Variants in ATP8A2 observed in about 807,000 individuals in gnomAD.
ATP8A2 encodes phospholipid-transporting ATPase IB.
In ATP8A2, 100 loss-of-function variants were observed where a neutral mutation model predicts 165.6. That is an observed-to-expected ratio of 0.60 (90% CI 0.51 to 0.71). The LOEUF is 0.71. Ranked by LOEUF, ATP8A2 falls within the 30% of genes least tolerant of loss-of-function variation. The probability of loss-of-function intolerance (pLI) is 0.00; values close to 1 mark genes in which losing one functional copy is unlikely to be tolerated. For missense variants in ATP8A2, 1,227 were observed against 1,479.5 expected, an observed-to-expected ratio of 0.83 and a Z score of 2.80; for synonymous variants, 543 against 548.8, an observed-to-expected ratio of 0.99 and a Z score of 0.15.
chr13:25,594,548 G>A (rs1565962650), intron 24 of ATP8A2, among the ~76,000 whole-genome samples: 1 of 152,094 alleles, frequency 6.6e-6, no homozygotes, highest in Admixed American at 6.6e-5. Flanking sequence ...CACTGAACCC[G>A]ATTTGTAGCC....
intron 24 of ATP8A2, among the ~76,000 whole-genome samples, chr13:25,629,082 C>T (rs1267429265): frequency 6.6e-6 from 1 of 152,142 alleles, no homozygotes; most frequent in Non-Finnish European, 1.5e-5. Context: ...TGTTTATTCT[C>T]TGACTTGCCT....
intron 30 of ATP8A2, among the ~76,000 whole-genome samples, chr13:25,842,776 A>C (rs1032905686): frequency 1.3e-5 from 2 of 152,060 alleles, no homozygotes; most frequent in Admixed American, 1.3e-4. Flanking sequence ...GGAAAGAAGG[A>C]GGGAAAAAGA....
At chr13:25,543,433 T>C (rs774609725) in intron 10 of ATP8A2, 31 bp downstream of exon 10, 1 of 1,423,668 alleles carries the variant, frequency 7.0e-7, no homozygotes, top group Non-Finnish European at 9.9e-7. Context: ...TTTCAGTCTT[T>C]TTTTTCTTTC....
At chr13:25,587,133 T>G (rs989759427) in intron 23 of ATP8A2, among the ~76,000 whole-genome samples, 1 of 152,210 alleles carries the variant, frequency 6.6e-6, no homozygotes, top group Non-Finnish European at 1.5e-5. Flanking sequence ...TACCTGGCTC[T>G]TCTCCAAGAG....
chr13:25,662,847 G>C (rs1593158991), intron 24 of ATP8A2, among the ~76,000 whole-genome samples: 1 of 152,200 alleles, frequency 6.6e-6, no homozygotes, highest in East Asian at 1.9e-4. Context: ...CATCCTTTTA[G>C]AATATCAATG....
At chr13:25,983,518 G>T (rs564807236) in intron 35 of ATP8A2, among the ~76,000 whole-genome samples, 3 of 152,156 alleles carry the variant, frequency 2.0e-5, no homozygotes, top group South Asian at 4.1e-4. Context: ...CTGTGAGTAG[G>T]CATATCCTGT....
At chr13:25,513,171 G>C (rs2037325660) in intron 2 of ATP8A2, among the ~76,000 whole-genome samples, 1 of 151,872 alleles carries the variant, frequency 6.6e-6, no homozygotes, top group African/African-American at 2.4e-5. Flanking sequence ...TGGGGCGGCT[G>C]CCGGGCGGAG....
At chr13:25,479,249 A>G (rs1217656137) in intron 2 of ATP8A2, among the ~76,000 whole-genome samples, 1 of 152,246 alleles carries the variant, frequency 6.6e-6, no homozygotes, top group African/African-American at 2.4e-5. Flanking sequence ...CATATTTACC[A>G]AGATTCTCCG....
chr13:25,901,183 C>A (rs1953734906), intron 33 of ATP8A2, among the ~76,000 whole-genome samples: 1 of 152,128 alleles, frequency 6.6e-6, no homozygotes, highest in Admixed American at 6.5e-5. Context: ...AGGAAATGTT[C>A]TGGAAGCTTC....
At chr13:25,859,071 C>T (rs1383086117) in intron 30 of ATP8A2, among the ~76,000 whole-genome samples, 2 of 152,106 alleles carry the variant, frequency 1.3e-5, no homozygotes, top group African/African-American at 2.4e-5. Flanking sequence ...GGCATGGTGG[C>T]GGGCACCTGT....
intron 33 of ATP8A2, among the ~76,000 whole-genome samples, chr13:25,929,101 A>G (rs1455439322): frequency 6.6e-6 from 1 of 152,180 alleles, no homozygotes; most frequent in Non-Finnish European, 1.5e-5. Flanking sequence ...ACAAGCCGCT[A>G]ACAACCTCTT....
At chr13:25,897,932 T>G (rs1209092365) in intron 33 of ATP8A2, among the ~76,000 whole-genome samples, 1 of 152,188 alleles carries the variant, frequency 6.6e-6, no homozygotes, top group Non-Finnish European at 1.5e-5. Context: ...AGTTATCCAT[T>G]CGTCTAATTT....
intron 1 of ATP8A2, among the ~76,000 whole-genome samples, chr13:25,409,135 C>T (rs559670662): frequency 4.9e-4 from 75 of 152,184 alleles, no homozygotes; most frequent in African/African-American, 1.7e-3. Flanking sequence ...ACACTATTGG[C>T]GAGACCAGCA....
intron 1 of ATP8A2, among the ~76,000 whole-genome samples, chr13:25,402,014 C>T (rs2033652942): frequency 6.6e-6 from 1 of 151,978 alleles, no homozygotes; most frequent in South Asian, 2.1e-4. Flanking sequence ...GCCACTGCAC[C>T]CAGCCTGGGG....
chr13:25,376,690 G>A lies in ATP8A2; in HGVS notation c.76+4402G>A, dbSNP rs186398950. 1.6e-4 allele frequency among the ~76,000 whole-genome samples: 25 copies of A among 152,314 alleles called. No homozygotes were observed. The East Asian group carries it at 4.2e-3, about 26-fold the overall frequency. On this transcript the variant is annotated intron_variant, in intron 1 of 36. Transcript: ENST00000381655. Reference sequence around the variant, plus strand: ...TTAGATTTCTCCCATGCTGCCCATCGTCATCTAAGGCAAAGTCCTCCAGCT... The same window carrying A: ...TTAGATTTCTCCCATGCTGCCCATCATCATCTAAGGCAAAGTCCTCCAGCT...
At chr13:25,666,657 T>C (rs537570104) in intron 24 of ATP8A2, among the ~76,000 whole-genome samples, 1 of 152,256 alleles carries the variant, frequency 6.6e-6, no homozygotes, top group Non-Finnish European at 1.5e-5. Context: ...ATTTTTGGTG[T>C]TTTTCCTTTT....
chr13:25,953,888 T>A lies in ATP8A2; in HGVS notation c.3184-7687T>A, dbSNP rs755492325. 1.3e-5 allele frequency among the ~76,000 whole-genome samples: 2 copies of A among 152,040 alleles called. No individual in the cohort carries two copies. The highest frequency in any genetic ancestry group is 4.8e-5 in the African/African-American group (2 of 41,412). On this transcript the variant is annotated intron_variant, in intron 33 of 36. Transcript: ENST00000381655. This position sits in a 1 kb window ranked among gnomAD's most constrained non-coding sequence, Gnocchi z 6.7. Reference sequence around the variant, plus strand: ...CAGGAGATTCCCTCCGGTGCCTACATCACCAGGGCCCTGGGTTTCAAGCAC... The same window carrying A: ...CAGGAGATTCCCTCCGGTGCCTACAACACCAGGGCCCTGGGTTTCAAGCAC...
intron 30 of ATP8A2, 106 bp from the exon 31 acceptor site, chr13:25,860,089 C>A: frequency 1.5e-6 from 1 of 662,632 alleles, no homozygotes; most frequent in Non-Finnish European, 2.7e-6. Context: ...TTGAAATACT[C>A]TGTGAGTTGA....
chr13:25,672,730 G>C (rs1204836739), intron 24 of ATP8A2, among the ~76,000 whole-genome samples: 2 of 152,160 alleles, frequency 1.3e-5, no homozygotes, highest in African/African-American at 4.8e-5. Flanking sequence ...CCCCAGGGTA[G>C]GATCAAAATC....
Sources: allele counts gnomAD v4.1 joint callset (sites outside exome capture counted in the v4.1 genomes callset), GRCh38; gene constraint gnomAD v4.1.1; non-coding constraint Gnocchi (gnomAD v3.1); transcripts MANE v1.5; gene names NCBI Gene and HGNC (gene_info 2026-07-23, HGNC 2026-07-21).